APOBEC3A: variants seen among roughly 807,000 people sequenced by gnomAD.
The protein encoded by APOBEC3A is apolipoprotein B mRNA editing enzyme catalytic subunit 3A.
APOBEC3A carries 13 observed loss-of-function variants against 23.0 expected under a neutral mutation model. The observed-to-expected ratio is 0.57, with a 90% CI of 0.37 to 0.90. The LOEUF (loss-of-function observed/expected upper bound fraction) is 0.90, where lower values mean the gene tolerates loss of function less well. APOBEC3A is among the 40% of genes least tolerant of loss of function. APOBEC3A has a pLI of 0.01. For missense variants in APOBEC3A, 179 were observed against 264.9 expected (o/e 0.68, Z 2.25); for synonymous variants, 74 against 101.3 (o/e 0.73, Z 1.62).
chr22:38,961,064 T>TTTA (rs1922857716), intron 2 of APOBEC3A, among the ~76,000 whole-genome samples: 1 of 150,006 alleles, frequency 6.7e-6, no homozygotes, highest in Non-Finnish European at 1.5e-5. Context: ...TTAATACAAA[T>TTTA]AGATCATGAT....
chr22:38,958,711 C>G (rs1470385412), intron 1 of APOBEC3A, among the ~76,000 whole-genome samples: 2 of 128,962 alleles, frequency 1.6e-5, no homozygotes, highest in Non-Finnish European at 3.3e-5. Context: ...TTCTTTCCTT[C>G]TTTTTCTTTT....
At chr22:38,958,626 CCTTT>C (rs1922701587) in intron 1 of APOBEC3A, among the ~76,000 whole-genome samples, 6 of 147,520 alleles carry the variant, frequency 4.1e-5, no homozygotes, top group African/African-American at 1.0e-4. Context: ...TCCCTCCCTT[CCTTT>C]CTTTTTTCTT....
At position 38,957,654 on chromosome 22, in the gene APOBEC3A, G is replaced by T. The variant is rs775358894; in HGVS notation, c.-38G>T. On this transcript the variant is annotated 5_prime_UTR_variant, in exon 1 of 5. Coordinates refer to ENST00000249116, the MANE Select transcript of APOBEC3A (RefSeq NM_145699.4). ...CACGCCTTGAGCAAGTCGCAAGAGCGGGAGGACACAGACCAGGAACCGAGA... is the reference window on the plus strand; with the variant it reads ...CACGCCTTGAGCAAGTCGCAAGAGCTGGAGGACACAGACCAGGAACCGAGA... 6.8e-6 allele frequency: 11 copies of T among 1,609,362 alleles called. No individual in the cohort carries two copies. The highest frequency in any genetic ancestry group is 8.5e-6 in the Non-Finnish European group (10 of 1,177,632).
Position 38,962,751 on chromosome 22 carries a change from G to T in APOBEC3A, c.*242G>T. ...AGGCGGGTGGATCACGAGGTCAGGA[G>T]ATCGAGACCATCCTGGCTAACACGG... On this transcript the variant is annotated 3_prime_UTR_variant, in exon 5 of 5. Transcript: ENST00000249116. The T allele has an allele frequency of 1.0e-6, 1 of 977,202 alleles. No individual in the cohort carries two copies. The highest frequency in any genetic ancestry group is 1.4e-6 in the Non-Finnish European group (1 of 691,298). 60.5% of individuals were successfully genotyped at this position (977,202 alleles called of 1,614,324 possible).
chr22:38,959,790 C>A, intron 2 of APOBEC3A, 104 bp downstream of exon 2: 1 of 1,444,270 alleles, frequency 6.9e-7, no homozygotes, highest in South Asian at 1.4e-5. Flanking sequence ...CAGTGTTTGT[C>A]ACTTGTGCTT....
At chr22:38,957,818 C>G (rs1442868773) in intron 1 of APOBEC3A, 98 bp downstream of exon 1, 1 of 1,472,498 alleles carries the variant, frequency 6.8e-7, no homozygotes, top group Non-Finnish European at 9.3e-7. Flanking sequence ...TGGGGCCTCT[C>G]TTTTCCTCCT....
chr22:38,962,561 A>G lies in APOBEC3A; in HGVS notation c.*52A>G, dbSNP rs1922954401. The G allele has an allele frequency of 6.6e-7, 1 of 1,525,078 alleles. No homozygotes were observed. The highest frequency in any genetic ancestry group is 8.8e-7 in the Non-Finnish European group (1 of 1,137,010). 94.5% of individuals were successfully genotyped at this position (1,525,078 alleles called of 1,614,324 possible). ...GCAGAGACCTGGGTTGAGCAGCAGA[A>G]TAAAAGATCTTCTTCCAAGAAATGC... On this transcript the variant is annotated 3_prime_UTR_variant, in exon 5 of 5. Coordinates refer to ENST00000249116, the MANE Select transcript of APOBEC3A (RefSeq NM_145699.4).
chr22:38,962,710 A>C lies in APOBEC3A; in HGVS notation c.*201A>C. ...CGCGGTGGCTCACGCCTGTAATCCC[A>C]GCACTTTGGAGGCCAAGGCGGGTGG... is the stretch of plus-strand genomic sequence containing the variant. On this transcript the variant is annotated 3_prime_UTR_variant, in exon 5 of 5. Transcript: ENST00000249116. 1 of 1,342,148 alleles carries C rather than the reference A, an allele frequency of 7.5e-7. No individual in the cohort carries two copies. Among genetic ancestry groups the C allele is most frequent in the Non-Finnish European group, 1.0e-6 (1 of 1,001,324 alleles). The allele number at this position is 1,342,148 out of a possible 1,614,324, so 83.1% of individuals were successfully genotyped here.
intron 1 of APOBEC3A, among the ~76,000 whole-genome samples, chr22:38,959,140 G>C (rs1181312185): frequency 5.3e-5 from 8 of 152,188 alleles, no homozygotes; most frequent in Admixed American, 3.9e-4. Context: ...CCGATGCTCG[G>C]TGTGGTAGGA....
rs1603264402 is a variant in APOBEC3A, at chr22:38,962,083, C to T, written c.470-15C>T. Reference sequence around the variant, plus strand: ...CACAGCGGGAGCGTGACTTATCTCCCCTGTCCCTTTTCAGAATTTAAGCAC... The same window carrying T: ...CACAGCGGGAGCGTGACTTATCTCCTCTGTCCCTTTTCAGAATTTAAGCAC... On this transcript the variant is annotated splice_polypyrimidine_tract_variant and intron_variant, in intron 3 of 4. Transcript: ENST00000249116. The T allele has an allele frequency of 6.2e-7, 1 of 1,603,316 alleles. No homozygotes were observed. The highest frequency in any genetic ancestry group is 8.5e-7 in the Non-Finnish European group (1 of 1,173,062).
intron 2 of APOBEC3A, among the ~76,000 whole-genome samples, chr22:38,960,136 A>T (rs1247902461): frequency 6.6e-6 from 1 of 152,148 alleles, no homozygotes; most frequent in Non-Finnish European, 1.5e-5. Context: ...CCATGTCAGG[A>T]TGCAGGGATG....
In APOBEC3A at chr22:38,959,670, GC is replaced by G; in HGVS notation, c.159del (p.Leu55TyrfsTer66). On this transcript the variant is annotated frameshift_variant, in exon 2 of 5. Coordinates refer to ENST00000249116, the MANE Select transcript of APOBEC3A (RefSeq NM_145699.4). LOFTEE classifies it high-confidence loss of function. The stretch of plus-strand genomic sequence containing the variant: ...TCGGTCAAGATGGACCAGCACAGGG[GC>G]TTTCTACACAACCAGGTGACCGACC... ...GTSVKMDQHR[G>X]FLHNQAKNLL... The G allele has an allele frequency of 6.2e-7, 1 of 1,613,744 alleles. No individual in the cohort carries two copies. Among genetic ancestry groups the G allele is most frequent in the Non-Finnish European group, 8.5e-7 (1 of 1,179,852 alleles).
At chr22:38,959,472 G>A in intron 1 of APOBEC3A, 70 bp from the exon 2 acceptor site, 1 of 1,557,706 alleles carries the variant, frequency 6.4e-7, no homozygotes. Context: ...GGAAGTGTGG[G>A]GAGGGAGGAG....
chr22:38,960,842 C>T (rs1922846720), intron 2 of APOBEC3A, among the ~76,000 whole-genome samples: 1 of 151,950 alleles, frequency 6.6e-6, no homozygotes, highest in South Asian at 2.1e-4. Flanking sequence ...GAAGCACACT[C>T]ACTCAGGGCC....
At chr22:38,958,772 T>TTTC (rs1400457125) in intron 1 of APOBEC3A, among the ~76,000 whole-genome samples, 1 of 51,698 alleles carries the variant, frequency 1.9e-5, no homozygotes, top group African/African-American at 1.0e-4. Context: ...TCTCTTTCTC[T>TTTC]TTCTTTCTTT....
chr22:38,958,876 G>GC (rs11435490), intron 1 of APOBEC3A, among the ~76,000 whole-genome samples: 67,669 of 131,002 alleles, frequency 0.52, 17,118 homozygotes, highest in African/African-American at 0.7. Context: ...TCTTTCTTTT[G>GC]TGCTGCCTCC....
chr22:38,962,151 C>T lies in APOBEC3A; in HGVS notation c.523C>T (p.Pro175Ser). ...GGACCACCAGGGATGTCCCTTCCAG[C>T]CCTGGGATGGACTAGATGAGCACAG... The part of the protein sequence containing the change: ...FVDHQGCPFQ[P>S]WDGLDEHSQA... Residue 175 changes from proline (P) to serine (S), a missense_variant, in exon 4 of 5, where the codon CCC (proline) becomes TCC (serine). This residue lies in a region of APOBEC3A where 37 missense variants were observed against 43.1 expected (regional missense o/e 0.86). Transcript: ENST00000249116. 6.2e-7 allele frequency: 1 copy of T among 1,613,394 alleles called. No homozygotes were observed. Among genetic ancestry groups the T allele is most frequent in the Non-Finnish European group, 8.5e-7 (1 of 1,179,950 alleles).
At chr22:38,959,517 T>C (rs376012968) in intron 1 of APOBEC3A, 25 bp from the exon 2 acceptor site, 18 of 1,610,130 alleles carry the variant, frequency 1.1e-5, no homozygotes, top group East Asian at 8.9e-5. Context: ...CTTCCTCCTC[T>C]GGTCTTTTCC....
In APOBEC3A at chr22:38,959,606, T is replaced by G. The variant is rs367849809; in HGVS notation, c.94T>G (p.Tyr32Asp). 2 of 1,614,008 alleles carry G rather than the reference T, an allele frequency of 1.2e-6. No individual in the cohort carries two copies. The highest frequency in any genetic ancestry group is 1.7e-6 in the Non-Finnish European group (2 of 1,180,004). Residue 32 changes from tyrosine to aspartate, a missense_variant, in exon 2 of 5, where the codon TAC becomes GAC. Tyr to Asp is a radical substitution (Grantham distance 160). Coordinates refer to ENST00000249116, the MANE Select transcript of APOBEC3A (RefSeq NM_145699.4). Reference protein sequence around the residue: ...FNNGIGRHKTYLCYEVERLDN... With the variant: ...FNNGIGRHKTDLCYEVERLDN... ...CAATGGCATTGGAAGGCATAAGACC[T>G]ACCTGTGCTACGAAGTGGAGCGCCT...
Sources: allele counts gnomAD v4.1 joint callset (sites outside exome capture counted in the v4.1 genomes callset), GRCh38; gene constraint gnomAD v4.1.1; regional missense constraint gnomAD v4.1.1; transcripts MANE v1.5; gene names NCBI Gene and HGNC (gene_info 2026-07-23, HGNC 2026-07-21).